CA6: variants seen among roughly 807,000 people sequenced by gnomAD.
CA6 encodes the protein carbonic anhydrase 6.
CA6 carries 28 observed loss-of-function variants against 35.9 expected under a neutral mutation model. The observed-to-expected ratio is 0.78, with a 90% CI of 0.58 to 1.07. The LOEUF is 1.07. Among genes scored for constraint, CA6 ranks in the 50% least tolerant of loss-of-function variants. The pLI is 0.00. For missense variants in CA6, 377 were observed against 382.0 expected (o/e 0.99, Z 0.11); for synonymous variants, 148 against 152.6 (o/e 0.97, Z 0.22).
rs1228047986 is a variant in CA6, at chr1:8,958,903, C to G, written c.409-7C>G. The G allele has an allele frequency of 6.5e-7, 1 of 1,546,378 alleles. No homozygotes were observed. The highest frequency in any genetic ancestry group is 1.7e-5 in the Admixed American group (1 of 59,174). On this transcript the variant is annotated splice_region_variant and splice_polypyrimidine_tract_variant and intron_variant, in intron 3 of 7. Coordinates refer to ENST00000377443, the MANE Select transcript of CA6 (RefSeq NM_001215.4). ...TGCCCTTGACCCACTCTACCTTGCT[C>G]TTACAGATTCACATTGTTCACTACA...
At chr1:8,959,107 C>G in intron 4 of CA6, 105 bp downstream of exon 4, 2 of 701,426 alleles carry the variant, frequency 2.9e-6, no homozygotes, top group Non-Finnish European at 2.6e-6. Context: ...CACTCTTCAT[C>G]TTTTCCTGAG....
intron 2 of CA6, among the ~76,000 whole-genome samples, chr1:8,956,523 G>T (rs1232697001): frequency 6.6e-6 from 1 of 152,102 alleles, no homozygotes; most frequent in East Asian, 1.9e-4. Context: ...AGCCAGGCAT[G>T]GTGGCGGGCA....
chr1:8,950,114 G>A (rs979215999), intron 2 of CA6, among the ~76,000 whole-genome samples: 2 of 151,924 alleles, frequency 1.3e-5, no homozygotes, highest in Admixed American at 6.6e-5. Flanking sequence ...TGAGTAGCTG[G>A]GATTACAGGC....
chr1:8,950,952 A>C (rs1639514104), intron 2 of CA6, among the ~76,000 whole-genome samples: 1 of 152,192 alleles, frequency 6.6e-6, no homozygotes, highest in Non-Finnish European at 1.5e-5. Flanking sequence ...GAGGTGGTTC[A>C]TGCCTGTAAT....
chr1:8,973,712 CTTTCTTTCTTTCTTTCTTTCTT>C (rs1400315688), intron 7 of CA6, among the ~76,000 whole-genome samples: 4 of 71,446 alleles, frequency 5.6e-5, no homozygotes, highest in Non-Finnish European at 1.2e-4. Flanking sequence ...CTTTCTCTCT[CTTTCTTTCTTTCTTTCTTTCTT>C]TCTTTCTTTC....
intron 2 of CA6, among the ~76,000 whole-genome samples, chr1:8,956,779 C>T (rs1639695339): frequency 6.6e-6 from 1 of 152,212 alleles, no homozygotes; most frequent in African/African-American, 2.4e-5. Context: ...GTTTCCAAGC[C>T]CATTGGCCAT....
chr1:8,954,672 A>T (rs1639627896), intron 2 of CA6, among the ~76,000 whole-genome samples: 1 of 152,130 alleles, frequency 6.6e-6, no homozygotes, highest in South Asian at 2.1e-4. Flanking sequence ...CCACTTATTT[A>T]GTTCTTCCTG....
intron 1 of CA6, among the ~76,000 whole-genome samples, chr1:8,948,276 A>G (rs575927044): frequency 2.6e-5 from 4 of 152,244 alleles, no homozygotes; most frequent in African/African-American, 7.2e-5. Flanking sequence ...CCAAGTCACC[A>G]TGATAATCAC....
At chr1:8,958,128 G>A (rs1639739386) in intron 3 of CA6, among the ~76,000 whole-genome samples, 1 of 152,078 alleles carries the variant, frequency 6.6e-6, no homozygotes, top group East Asian at 1.9e-4. Flanking sequence ...GGTGTGGCAA[G>A]CCCTCCTTTG....
chr1:8,957,183 C>A lies in CA6; in HGVS notation c.306C>A (p.Gly102=). ...PSTMRMTVAD[G]TVYIAQQMHF... ...CCATGCGCATGACAGTGGCTGACGG[C>A]ACTGTATACATAGCCCAGCAGATGC... The change falls in exon 3 of 8, where the codon GGC becomes GGA. Residue 102 remains glycine (G), a synonymous_variant. Transcript: ENST00000377443. 6.2e-7 allele frequency: 1 copy of A among 1,613,950 alleles called. No individual in the cohort carries two copies. The highest frequency in any genetic ancestry group is 1.1e-5 in the South Asian group (1 of 91,074).
At chr1:8,972,432 G>A (rs1393552136) in intron 7 of CA6, among the ~76,000 whole-genome samples, 1 of 152,160 alleles carries the variant, frequency 6.6e-6, no homozygotes, top group Non-Finnish European at 1.5e-5. Context: ...CAGCACTTTG[G>A]GAGGCTGAGG....
In CA6 at chr1:8,949,292, C is replaced by T; in HGVS notation, c.109C>T (p.Gln37Ter). ...EGALDEAHWP[Q>*]HYPACGGQRQ... ...GGCACTGGACGAAGCGCACTGGCCA[C>T]AGCACTACCCCGCCTGTGGGGGCCA... Residue 37 changes from glutamine to a stop codon, truncating the protein, a stop_gained, in exon 2 of 8, where the codon CAG becomes TAG. Transcript: ENST00000377443. LOFTEE classifies it high-confidence loss of function. The T allele has an allele frequency of 6.2e-7, 1 of 1,611,242 alleles. No individual in the cohort carries two copies. The highest frequency in any genetic ancestry group is 8.5e-7 in the Non-Finnish European group (1 of 1,178,758).
At chr1:8,971,371 G>A (rs890992099) in intron 7 of CA6, among the ~76,000 whole-genome samples, 1 of 150,526 alleles carries the variant, frequency 6.6e-6, no homozygotes, top group Admixed American at 6.6e-5. Context: ...GAGTGCAGTG[G>A]TGCAATCTCG....
rs1414289010 is a variant in CA6 at position 8,963,618 on chromosome 1, T to G, written c.571+962T>G. Among the ~76,000 whole-genome samples the G allele has an allele frequency of 6.6e-6, 1 of 152,196 alleles. No individual in the cohort carries two copies. Among genetic ancestry groups the G allele is most frequent in the Non-Finnish European group, 1.5e-5 (1 of 68,034 alleles). The stretch of plus-strand genomic sequence containing the variant: ...GTGCAATGGCGCGATCATGGCTCAG[T>G]GCAGCCTCGACCTCTGGGACTCAGT... On this transcript the variant is annotated intron_variant, in intron 5 of 7. Transcript: ENST00000377443. This position sits in a 1 kb window ranked among gnomAD's most constrained non-coding sequence, Gnocchi z 4.1.
intron 7 of CA6, 91 bp downstream of exon 7, chr1:8,971,072 G>A: frequency 1.2e-6 from 1 of 867,514 alleles, no homozygotes; most frequent in South Asian, 1.4e-5. Flanking sequence ...GGTGATATAA[G>A]GGAAGGAGAG....
intron 4 of CA6, among the ~76,000 whole-genome samples, chr1:8,962,129 C>G (rs1639855943): frequency 6.6e-6 from 1 of 151,850 alleles, no homozygotes; most frequent in South Asian, 2.1e-4. Context: ...GTAATCCCAG[C>G]TACTCGGGAG....
At position 8,963,073 on chromosome 1, in the gene CA6, T is replaced by C. The variant is rs1483790088; in HGVS notation, c.571+417T>C. ...GACATCCAGACACTCGGGGTGTTCT[T>C]CCGTCCCCTCTCCTCCAGAGGGCGG... On this transcript the variant is annotated intron_variant, in intron 5 of 7. Transcript: ENST00000377443. This position sits in a 1 kb window ranked among gnomAD's most constrained non-coding sequence, Gnocchi z 4.1. Among the ~76,000 whole-genome samples the C allele has an allele frequency of 6.6e-6, 1 of 152,166 alleles. No individual in the cohort carries two copies. Among genetic ancestry groups the C allele is most frequent in the Non-Finnish European group, 1.5e-5 (1 of 68,020 alleles).
Sources: allele counts gnomAD v4.1 joint callset (sites outside exome capture counted in the v4.1 genomes callset), GRCh38; gene constraint gnomAD v4.1.1; non-coding constraint Gnocchi (gnomAD v3.1); transcripts MANE v1.5; gene names NCBI Gene and HGNC (gene_info 2026-07-23, HGNC 2026-07-21).